Variants in ZFR2 observed in about 807,000 individuals in gnomAD.
ZFR2 encodes the protein zinc finger RNA binding protein 2.
ZFR2 carries 104 observed loss-of-function variants against 105.7 expected under a neutral mutation model. The ratio of observed to expected loss-of-function variants is 0.98; its 90% CI spans 0.84 to 1.16. The LOEUF (loss-of-function observed/expected upper bound fraction) is 1.16, where lower values mean the gene tolerates loss of function less well. Ranked by LOEUF, ZFR2 falls within the 50% of genes most tolerant of loss-of-function variation. ZFR2 has a pLI of 0.00. For missense variants in ZFR2, 1,425 were observed against 1,355.5 expected (o/e 1.05, Z -0.80); for synonymous variants, 634 against 597.7 (o/e 1.06, Z -0.89).
intron 12 of ZFR2, among the ~76,000 whole-genome samples, chr19:3,817,746 ACT>A (rs1279604947): frequency 1.5e-5 from 2 of 135,922 alleles, no homozygotes; most frequent in African/African-American, 2.8e-5. Context: ...ACAGAGCAAG[ACT>A]CAGTCTCAAA....
intron 6 of ZFR2, among the ~76,000 whole-genome samples, chr19:3,826,728 A>G (rs2013552): frequency 0.8 from 120,565 of 151,566 alleles, 48,235 homozygotes; most frequent in East Asian, 0.98. Flanking sequence ...GTGAGGCACC[A>G]CGCCCGGCCT....
At chr19:3,850,204 A>G (rs912487337) in intron 1 of ZFR2, among the ~76,000 whole-genome samples, 1 of 152,098 alleles carries the variant, frequency 6.6e-6, no homozygotes, top group Non-Finnish European at 1.5e-5. Flanking sequence ...GCTCCCCCAG[A>G]GGCTGGAAAA....
intron 1 of ZFR2, among the ~76,000 whole-genome samples, chr19:3,849,813 T>C (rs916090103): frequency 4.1e-4 from 63 of 152,170 alleles, no homozygotes; most frequent in African/African-American, 1.5e-3. Context: ...CGCTACAGTT[T>C]GGAATCCACT....
intron 10 of ZFR2, 125 bp downstream of exon 10, chr19:3,821,215 T>C: frequency 7.6e-7 from 1 of 1,320,950 alleles, no homozygotes; most frequent in Non-Finnish European, 9.9e-7. Context: ...CGGGCACCCG[T>C]CTCCCCCCAC....
At chr19:3,845,581 C>T (rs989179087) in intron 1 of ZFR2, among the ~76,000 whole-genome samples, 3 of 150,822 alleles carry the variant, frequency 2.0e-5, no homozygotes, top group African/African-American at 7.3e-5. Context: ...TGCTTGAGCC[C>T]AGGAGTTTGA....
chr19:3,860,703 A>G (rs2038363509), intron 1 of ZFR2, among the ~76,000 whole-genome samples: 1 of 152,158 alleles, frequency 6.6e-6, no homozygotes, highest in Non-Finnish European at 1.5e-5. Context: ...TCCCAGACGC[A>G]GGACAAGCGA....
intron 1 of ZFR2, among the ~76,000 whole-genome samples, chr19:3,868,371 C>T (rs1404772899): frequency 4.7e-5 from 7 of 150,430 alleles, no homozygotes; most frequent in Admixed American, 4.0e-4. Flanking sequence ...GTCTTCTCCT[C>T]CCCCCGCAAT....
chr19:3,844,016 G>GGGT (rs2038162388), intron 1 of ZFR2, among the ~76,000 whole-genome samples: 1 of 134,228 alleles, frequency 7.5e-6, no homozygotes, highest in African/African-American at 2.9e-5. Context: ...TAGGATGTGG[G>GGGT]GGGGGGGGTG....
rs746769401 is a variant in ZFR2 at position 3,813,703 on chromosome 19, G to A, written c.2242+117C>T. 7.1e-7 allele frequency: 1 copy of A among 1,406,628 alleles called. No homozygotes were observed. The allele number at this position is 1,406,628 out of a possible 1,614,324, so 87.1% of individuals were successfully genotyped here. ...AGGGGGACAGCAGTGCTGGAGCGTG[G>A]CTGCTGTGGCATTTCCTGCTCAGGG... On this transcript the variant is annotated intron_variant, in intron 14 of 18. Coordinates refer to ENST00000262961, the MANE Select transcript of ZFR2 (RefSeq NM_015174.2). This position sits in a 1 kb window ranked among gnomAD's most constrained non-coding sequence, Gnocchi z 4.4.
chr19:3,866,895 T>C (rs1040515101), intron 1 of ZFR2, among the ~76,000 whole-genome samples: 8 of 152,212 alleles, frequency 5.3e-5, no homozygotes, highest in African/African-American at 9.6e-5. Context: ...CTTTCCCTAA[T>C]AGGAAATCCA....
At chr19:3,821,912 G>T (rs906608679) in intron 9 of ZFR2, among the ~76,000 whole-genome samples, 169 bp downstream of exon 9, 5 of 152,194 alleles carry the variant, frequency 3.3e-5, no homozygotes, top group African/African-American at 9.6e-5. Flanking sequence ...CCCGGCCGAA[G>T]ATACACTTTT....
At chr19:3,862,401 G>A (rs1011603643) in intron 1 of ZFR2, among the ~76,000 whole-genome samples, 4 of 152,262 alleles carry the variant, frequency 2.6e-5, no homozygotes, top group East Asian at 3.9e-4. Context: ...GGATTCAAGC[G>A]ATTCTCCTGC....
intron 1 of ZFR2, among the ~76,000 whole-genome samples, chr19:3,850,490 A>C (rs1448585469): frequency 6.6e-6 from 1 of 152,124 alleles, no homozygotes; most frequent in Non-Finnish European, 1.5e-5. Flanking sequence ...CCTAACCCCC[A>C]TGTGACTGTA....
intron 1 of ZFR2, chr19:3,855,678 C>T (rs1421690073): frequency 8.0e-6 from 3 of 376,690 alleles, no homozygotes; most frequent in Non-Finnish European, 1.4e-5. Context: ...CACTTTCTCA[C>T]GGGCTGGTCA....
intron 13 of ZFR2, among the ~76,000 whole-genome samples, chr19:3,815,990 C>A (rs574360999): frequency 6.6e-6 from 1 of 151,794 alleles, no homozygotes; most frequent in South Asian, 2.1e-4. Flanking sequence ...CTGCTGACCT[C>A]GTGATCTGCC....
chr19:3,824,797 C>T (rs931681303), intron 7 of ZFR2, among the ~76,000 whole-genome samples: 12 of 151,920 alleles, frequency 7.9e-5, no homozygotes, highest in African/African-American at 2.7e-4. Flanking sequence ...ATTAGCCGGG[C>T]GTGGTGGTGC....
intron 1 of ZFR2, among the ~76,000 whole-genome samples, chr19:3,839,797 T>A (rs7254489): frequency 4.6e-5 from 7 of 152,140 alleles, no homozygotes; most frequent in Admixed American, 4.6e-4. Context: ...CTAGGGTTGG[T>A]GGCTGTCTTG....
At chr19:3,867,491 G>T (rs528717245) in intron 1 of ZFR2, among the ~76,000 whole-genome samples, 2 of 151,950 alleles carry the variant, frequency 1.3e-5, no homozygotes, top group East Asian at 3.9e-4. Flanking sequence ...CCTACCCTCT[G>T]AGCCCTTCTG....
intron 12 of ZFR2, among the ~76,000 whole-genome samples, 178 bp downstream of exon 12, chr19:3,818,867 C>T (rs892449790): frequency 3.9e-5 from 6 of 152,368 alleles, no homozygotes; most frequent in South Asian, 4.1e-4. Context: ...CGTTCAGTGC[C>T]GAGAAGCTCC....
Sources: allele counts gnomAD v4.1 joint callset (sites outside exome capture counted in the v4.1 genomes callset), GRCh38; gene constraint gnomAD v4.1.1; non-coding constraint Gnocchi (gnomAD v3.1); transcripts MANE v1.5; gene names NCBI Gene and HGNC (gene_info 2026-07-23, HGNC 2026-07-21).